HELZ2: variants seen among roughly 807,000 people sequenced by gnomAD.
HELZ2 encodes helicase with zinc finger 2.
HELZ2 carries 143 observed loss-of-function variants against 208.8 expected under a neutral mutation model. The ratio of observed to expected loss-of-function variants is 0.68; its 90% CI spans 0.60 to 0.79. The LOEUF (loss-of-function observed/expected upper bound fraction) is 0.79, where lower values mean the gene tolerates loss of function less well. Among genes scored for constraint, HELZ2 ranks in the 30% least tolerant of loss-of-function variants. HELZ2 has a pLI of 0.00. For missense variants in HELZ2, 3,690 were observed against 3,794.5 expected (o/e 0.97, Z 0.72); for synonymous variants, 1,705 against 1,693.7 (o/e 1.01, Z -0.16).
chr20:63,574,173 C>T (rs1031025284), upstream of HELZ2: 1 of 151,250 alleles, frequency 6.6e-6, no homozygotes, highest in Non-Finnish European at 1.5e-5. Flanking sequence ...CCCTGGGACC[C>T]CCGCGCTCAC....
In HELZ2 at chr20:63,564,642, C is replaced by T. The variant is rs763710312; in HGVS notation, c.4180G>A (p.Ala1394Thr). The T allele has an allele frequency of 1.9e-5, 30 of 1,565,638 alleles. No individual in the cohort carries two copies. In the Middle Eastern group the frequency reaches 5.0e-4, roughly 26 times the overall value. Reference sequence around the variant, plus strand: ...TCCCTGCCGGGGGCATAGAACGCAGCGCCCTGCCTTCGCGCCTCCACGTCC... The same window carrying T: ...TCCCTGCCGGGGGCATAGAACGCAGTGCCCTGCCTTCGCGCCTCCACGTCC... The change falls in exon 8 of 19, where the codon GCT (alanine) becomes ACT (threonine). Residue 1394 changes from alanine (A) to threonine (T), a missense_variant. By Grantham distance (58) the Ala-to-Thr change is moderately conservative. This residue lies in a region of HELZ2 where 2,564 missense variants were observed against 2,580.5 expected (regional missense o/e 0.99). Coordinates refer to ENST00000467148, the Ensembl canonical transcript of HELZ2.
At position 63,561,857 on chromosome 20, in the gene HELZ2, G is replaced by T; in HGVS notation, c.6657C>A (p.Cys2219Ter). The change falls in exon 11 of 19, where the codon TGC becomes TGA. Residue 2219 changes from cysteine to a stop codon, truncating the protein, a stop_gained. Coordinates refer to ENST00000467148, the Ensembl canonical transcript of HELZ2. LOFTEE classifies it high-confidence loss of function. ...CATCCACCGACTTGTTGGAGGGGCC[G>T]CAGTACAAGATGCAGGGACCCCCCA... is the stretch of plus-strand genomic sequence containing the variant. 6.4e-7 allele frequency: 1 copy of T among 1,566,556 alleles called. No homozygotes were observed. The highest frequency in any genetic ancestry group is 8.7e-7 in the Non-Finnish European group (1 of 1,155,172).
exon 8 of HELZ2, chr20:63,563,270 C>T: frequency 1.3e-6 from 2 of 1,555,596 alleles, no homozygotes; most frequent in Non-Finnish European, 8.6e-7. Context: ...GGACGCCTCG[C>T]CCTTCTCCTG....
chr20:63,562,785 C>T lies in HELZ2; in HGVS notation c.6037G>A (p.Glu2013Lys), dbSNP rs769702510. ...CTGGCCGTGGGAGCCGGCAGCCCCT[C>T]GAGCCGGATGCAGAGGTAGCAGCAG... Residue 2013 changes from glutamate to lysine, a missense_variant, in exon 8 of 19, where the codon GAG (glutamate) becomes AAG (lysine). Physicochemically the swap from Glu to Lys is moderately conservative, Grantham distance 56. This residue lies in a region of HELZ2 where 2,564 missense variants were observed against 2,580.5 expected (regional missense o/e 0.99). Coordinates refer to ENST00000467148, the Ensembl canonical transcript of HELZ2. The T allele has an allele frequency of 1.1e-5, 17 of 1,607,916 alleles. No individual in the cohort carries two copies. In the East Asian group the frequency reaches 1.1e-4, roughly 11 times the overall value.
chr20:63,566,037 C>G, exon 8 of HELZ2: 2 of 1,591,718 alleles, frequency 1.3e-6, no homozygotes, highest in Non-Finnish European at 1.7e-6. Context: ...ATGAAGCTCT[C>G]CCAGAGCTTG....
exon 6 of HELZ2, chr20:63,567,235 C>G: frequency 6.2e-7 from 1 of 1,608,196 alleles, no homozygotes; most frequent in Non-Finnish European, 8.5e-7. Context: ...CGCCCGGGCC[C>G]TGGCCACACT....
At chr20:63,562,719 C>T in exon 8 of HELZ2, 2 of 1,601,752 alleles carry the variant, frequency 1.2e-6, no homozygotes, top group Non-Finnish European at 1.7e-6. Context: ...CCGGGGTCAA[C>T]ATTCAGGCCA....
At chr20:63,563,993 G>T in exon 8 of HELZ2, 1 of 1,602,984 alleles carries the variant, frequency 6.2e-7, no homozygotes. Flanking sequence ...CTGGGTGCGG[G>T]CAGCAAACTG....
At chr20:63,567,822 C>A (rs2082979260) in intron 5 of HELZ2, 195 bp from the exon 7 acceptor site, 2 of 1,283,254 alleles carry the variant, frequency 1.6e-6, no homozygotes, top group Non-Finnish European at 2.1e-6. Flanking sequence ...TCAGGCAACA[C>A]CTGGGCGAGC....
At chr20:63,572,152 G>T in exon 1 of HELZ2, 3 of 1,611,664 alleles carry the variant, frequency 1.9e-6, no homozygotes, top group Non-Finnish European at 2.5e-6. Context: ...GTGGGGAACG[G>T]TGCTCCCAGG....
exon 1 of HELZ2, chr20:63,572,137 C>T (rs201833634): frequency 2.8e-5 from 45 of 1,611,360 alleles, no homozygotes; most frequent in Middle Eastern, 1.7e-4. Context: ...TGGAGAGTCC[C>T]GGGGGTGGGG....
At position 63,564,306 on chromosome 20, in the gene HELZ2, AGCAGTCGGACC is replaced by A; in HGVS notation, c.4505_4515del (p.Arg1502LeufsTer3). ...CCGTCCTCGTCCGGCTGCTCATAGA[AGCAGTCGGACC>A]GCAGGCGGTGCCGGCGCAGCAGCCG... On this transcript the variant is annotated frameshift_variant, in exon 8 of 19. Transcript: ENST00000467148. LOFTEE classifies it high-confidence loss of function. 6.2e-7 allele frequency: 1 copy of A among 1,604,158 alleles called. No individual in the cohort carries two copies. The highest frequency in any genetic ancestry group is 1.7e-4 in the Middle Eastern group (1 of 6,050).
chr20:63,559,184 A>AGG (rs1335257979), downstream of HELZ2: 16 of 935,220 alleles, frequency 1.7e-5, no homozygotes, highest in Non-Finnish European at 2.1e-5. Flanking sequence ...GGTGGTGGGG[A>AGG]GGGTGGGGGG....
rs751090083 is a variant in HELZ2 at position 63,565,844 on chromosome 20, G to A, written c.2978C>T (p.Thr993Met). 15 of 1,598,504 alleles carry A rather than the reference G, an allele frequency of 9.4e-6. 1 individual carries two copies. The highest frequency in any genetic ancestry group is 4.4e-5 in the South Asian group (4 of 90,952). ...TCCCGGCTCTGCCTTCACCATGGCC[G>A]TCACCACAGCCGCCTGCTCCTCGGC... The change falls in exon 8 of 19, where the codon ACG (threonine) becomes ATG (methionine). Residue 993 changes from threonine to methionine, a missense_variant. This residue lies in a region of HELZ2 where 2,564 missense variants were observed against 2,580.5 expected (regional missense o/e 0.99). Coordinates refer to ENST00000467148, the Ensembl canonical transcript of HELZ2.
chr20:63,562,611 G>A (rs930847495), exon 8 of HELZ2: 8 of 1,594,162 alleles, frequency 5.0e-6, no homozygotes, highest in East Asian at 2.3e-5. Context: ...CCCATGTGGT[G>A]GACGAAGAGG....
At chr20:63,569,369 C>T in exon 4 of HELZ2, 4 of 1,608,572 alleles carry the variant, frequency 2.5e-6, no homozygotes, top group Non-Finnish European at 3.4e-6. Flanking sequence ...GCTCCATCTC[C>T]TCAGGGTGGC....
At chr20:63,561,083 T>C (rs1179100528) in exon 14 of HELZ2, 1 of 1,610,276 alleles carries the variant, frequency 6.2e-7, no homozygotes, top group Non-Finnish European at 8.5e-7. Flanking sequence ...CCGACCAACC[T>C]TCTCGGCCTG....
downstream of HELZ2, chr20:63,559,188 T>TG (rs1307158055): frequency 5.7e-5 from 48 of 847,196 alleles, no homozygotes; most frequent in South Asian, 5.6e-4. Context: ...GTGGGGAGGG[T>TG]GGGGGGGCCC....
Position 63,568,584 on chromosome 20 carries a change from C to T in HELZ2, c.1504G>A (p.Ala502Thr), listed in dbSNP as rs61741406. Residue 502 changes from alanine to threonine, a missense_variant, in exon 5 of 19, where the codon GCC becomes ACC. By Grantham distance (58) the Ala-to-Thr change is moderately conservative. This residue lies in a region of HELZ2 where 1,119 missense variants were observed against 1,193.4 expected (regional missense o/e 0.94). Transcript: ENST00000467148. ...GGGACAGACCAAGGTCTGGGCAGGGCGCAGGTGGGCAAGTCGGGCACCACC... is the reference window on the plus strand; with the variant it reads ...GGGACAGACCAAGGTCTGGGCAGGGTGCAGGTGGGCAAGTCGGGCACCACC... 1,566 of 1,592,422 alleles carry T rather than the reference C, an allele frequency of 9.8e-4. 21 individuals are homozygous for T. The African/African-American group carries it at 0.018, about 19-fold the overall frequency.
Sources: gnomAD v4.1 joint callset for allele counts on GRCh38, gnomAD v4.1.1 for gene constraint, gnomAD v4.1.1 regional missense constraint, MANE v1.5 for transcripts, NCBI Gene and HGNC (gene_info 2026-07-23, HGNC 2026-07-21) for gene names.